The following CALCRL variants were observed in gnomAD, a reference collection of about 807,000 sequenced individuals.
CALCRL encodes calcitonin gene-related peptide type 1 receptor.
CALCRL carries 27 observed loss-of-function variants against 60.4 expected under a neutral mutation model. That is an observed-to-expected ratio of 0.45 (90% CI 0.33 to 0.62). The LOEUF is 0.62. Among genes scored for constraint, CALCRL ranks in the 20% least tolerant of loss-of-function variants. The pLI, the probability that CALCRL is intolerant of heterozygous loss-of-function variation, is 0.03. For missense variants in CALCRL, 424 were observed against 540.7 expected (o/e 0.78, Z 2.14); for synonymous variants, 190 against 182.6 (o/e 1.04, Z -0.33).
chr2:187,361,520 T>A lies in CALCRL; in HGVS notation c.628-769A>T, dbSNP rs186689316. On this transcript the variant is annotated intron_variant, in intron 9 of 14. Transcript: ENST00000392370. ...AGTCTGAAAATCAATAAAAGTTTAGTGGCAATTATCATTATTTTTGAAATA... is the reference window on the plus strand; with the variant it reads ...AGTCTGAAAATCAATAAAAGTTTAGAGGCAATTATCATTATTTTTGAAATA... Among the ~76,000 whole-genome samples the A allele has an allele frequency of 2.2e-4, 33 of 152,064 alleles. No homozygotes were observed. The East Asian group carries it at 6.0e-3, about 28-fold the overall frequency.
At chr2:187,425,871 T>C (rs1373532191) in intron 1 of CALCRL, among the ~76,000 whole-genome samples, 2 of 151,974 alleles carry the variant, frequency 1.3e-5, no homozygotes, top group Non-Finnish European at 2.9e-5. Context: ...ATAACTGTTA[T>C]ATCATTTTTA....
chr2:187,375,099 C>A (rs1559049279), intron 8 of CALCRL, among the ~76,000 whole-genome samples: 2 of 150,634 alleles, frequency 1.3e-5, no homozygotes, highest in Non-Finnish European at 3.0e-5. Flanking sequence ...GGTGAAACCC[C>A]GTCTCTACTA....
intron 12 of CALCRL, among the ~76,000 whole-genome samples, chr2:187,354,254 G>T (rs1201622900): frequency 1.3e-5 from 2 of 151,920 alleles, no homozygotes; most frequent in African/African-American, 4.8e-5. Context: ...ACAGTACCAC[G>T]CTTGGGTCAT....
chr2:187,382,262 C>T (rs1688012560), intron 5 of CALCRL, among the ~76,000 whole-genome samples: 1 of 152,068 alleles, frequency 6.6e-6, no homozygotes, highest in African/African-American at 2.4e-5. Context: ...ATAAAAATAG[C>T]TCTTTATTGC....
chr2:187,393,769 C>T (rs1465327741), intron 1 of CALCRL, among the ~76,000 whole-genome samples: 1 of 152,032 alleles, frequency 6.6e-6, no homozygotes, highest in Non-Finnish European at 1.5e-5. Flanking sequence ...AAAAAAAGAT[C>T]ATTGCCTCGA....
intron 8 of CALCRL, among the ~76,000 whole-genome samples, chr2:187,373,909 C>T (rs1687636871): frequency 6.6e-6 from 1 of 152,118 alleles, no homozygotes; most frequent in Admixed American, 6.6e-5. Flanking sequence ...GCTTGTAATC[C>T]CGACAGTTTG....
At chr2:187,392,605 T>A (rs1176172746) in intron 1 of CALCRL, among the ~76,000 whole-genome samples, 2 of 152,202 alleles carry the variant, frequency 1.3e-5, no homozygotes, top group African/African-American at 4.8e-5. Context: ...AGAGCCTGGT[T>A]AACTTATTTT....
intron 1 of CALCRL, among the ~76,000 whole-genome samples, chr2:187,395,572 ACCTTAC>A (rs1688619398): frequency 6.6e-6 from 1 of 152,054 alleles, no homozygotes; most frequent in South Asian, 2.1e-4. Context: ...TAAATTTGTT[ACCTTAC>A]CCTATTTATT....
intron 1 of CALCRL, chr2:187,415,643 G>GC: frequency 1.6e-6 from 1 of 615,168 alleles, no homozygotes; most frequent in Non-Finnish European, 3.0e-6. Context: ...GCATCGGAGG[G>GC]CCCCCTCAAG....
intron 1 of CALCRL, among the ~76,000 whole-genome samples, chr2:187,390,583 T>A (rs1217314493): frequency 6.6e-6 from 1 of 152,150 alleles, no homozygotes; most frequent in Non-Finnish European, 1.5e-5. Context: ...CCAAAAAGTA[T>A]CTTAGTGAAA....
chr2:187,427,830 A>G (rs1207333393), intron 1 of CALCRL, among the ~76,000 whole-genome samples: 1 of 152,218 alleles, frequency 6.6e-6, no homozygotes, highest in Non-Finnish European at 1.5e-5. Context: ...AATGAAGTCA[A>G]AAAGAGAGAG....
rs1686211141 is a variant in CALCRL at position 187,344,744 on chromosome 2, G to GT, written c.*1439dup. The GT allele has an allele frequency of 1.3e-5, 2 of 151,542 alleles. No individual in the cohort carries two copies. The highest frequency in any genetic ancestry group is 1.3e-4 in the Admixed American group (2 of 15,146). 9.4% of individuals were successfully genotyped at this position (151,542 alleles called of 1,614,324 possible). A position where few individuals can be genotyped will look rare whatever the true frequency, so the allele number is the denominator to read the frequency against. The stretch of plus-strand genomic sequence containing the variant: ...ATATGGTATATATAGTATCCTTCTA[G>GT]TTTTTTATATTTCTTGAATAGCCTG... On this transcript the variant is annotated 3_prime_UTR_variant, in exon 15 of 15. Transcript: ENST00000392370.
Position 187,362,221 on chromosome 2 carries a change from G to A in CALCRL, c.627+1155C>T, listed in dbSNP as rs114366090. Among the ~76,000 whole-genome samples, 608 of 152,012 alleles carry A rather than the reference G, an allele frequency of 4.0e-3. 5 individuals carry two copies. The highest frequency in any genetic ancestry group is 0.014 in the African/African-American group (571 of 41,502). ...ATGTGTTTATTAAACACATCTTTGC[G>A]TACAAATATGAGATTTAGAATCTCA... On this transcript the variant is annotated intron_variant, in intron 9 of 14. Coordinates refer to ENST00000392370, the MANE Select transcript of CALCRL (RefSeq NM_005795.6).
At chr2:187,382,941 C>T (rs2105784703) in intron 5 of CALCRL, among the ~76,000 whole-genome samples, 1 of 151,836 alleles carries the variant, frequency 6.6e-6, no homozygotes, top group African/African-American at 2.4e-5. Context: ...TATCTTTGTA[C>T]CATAAAAAGA....
At chr2:187,372,210 T>C (rs897123903) in intron 8 of CALCRL, among the ~76,000 whole-genome samples, 2 of 152,140 alleles carry the variant, frequency 1.3e-5, no homozygotes, top group African/African-American at 4.8e-5. Flanking sequence ...TATGCTCTCT[T>C]TTCTGTGGAA....
chr2:187,379,256 T>A (rs985067927), intron 7 of CALCRL, among the ~76,000 whole-genome samples: 2 of 152,032 alleles, frequency 1.3e-5, no homozygotes, highest in Non-Finnish European at 2.9e-5. Context: ...TTGTATGCCT[T>A]TTTATTTTTT....
At chr2:187,420,865 A>C (rs1325689966) in intron 1 of CALCRL, among the ~76,000 whole-genome samples, 1 of 152,314 alleles carries the variant, frequency 6.6e-6, no homozygotes, top group South Asian at 2.1e-4. Flanking sequence ...GATACTTTGC[A>C]TGAGTTTTGT....
chr2:187,346,304 T>C lies in CALCRL; in HGVS notation c.1266A>G (p.Thr422=). 1.9e-6 allele frequency: 3 copies of C among 1,612,554 alleles called. No homozygotes were observed. Among genetic ancestry groups the C allele is most frequent in the Non-Finnish European group, 2.5e-6 (3 of 1,179,044 alleles). The change falls in exon 15 of 15, where the codon ACA becomes ACG. Residue 422 remains threonine, a synonymous_variant. Coordinates refer to ENST00000392370, the MANE Select transcript of CALCRL (RefSeq NM_005795.6). The part of the protein sequence containing the change: ...NSEALRSASY[T]VSTISDGPGY... ...CTGGACCATCACTGATTGTTGACAC[T>C]GTGTAAGACGCACTACGAAGAGCTT... is the stretch of plus-strand genomic sequence containing the variant.
At chr2:187,356,235 A>C (rs1203477349) in intron 12 of CALCRL, among the ~76,000 whole-genome samples, 1 of 152,200 alleles carries the variant, frequency 6.6e-6, no homozygotes, top group East Asian at 1.9e-4. Context: ...TGGAGGCGTC[A>C]CGCTACCTGA....
Sources: allele counts gnomAD v4.1 joint callset (sites outside exome capture counted in the v4.1 genomes callset), GRCh38; gene constraint gnomAD v4.1.1; transcripts MANE v1.5; gene names NCBI Gene and HGNC (gene_info 2026-07-23, HGNC 2026-07-21).